PIBF1: variants seen among roughly 807,000 people sequenced by gnomAD.
PIBF1 encodes the protein progesterone immunomodulatory binding factor 1, also known as progesterone-induced-blocking factor 1.
PIBF1 carries 90 observed loss-of-function variants against 112.5 expected under a neutral mutation model. The observed-to-expected ratio is 0.80, with a 90% CI of 0.67 to 0.95. The LOEUF (loss-of-function observed/expected upper bound fraction) is 0.95. Ranked by LOEUF, PIBF1 falls within the 40% of genes least tolerant of loss-of-function variation. PIBF1 has a pLI of 0.00. For synonymous variants in PIBF1, 301 were observed against 288.6 expected (o/e 1.04, Z -0.44); for missense variants, 915 against 852.3 (o/e 1.07, Z -0.92).
intron 7 of PIBF1, 60 bp downstream of exon 7, chr13:72,827,178 C>A: frequency 1.4e-6 from 1 of 738,316 alleles, no homozygotes; most frequent in Non-Finnish European, 2.1e-6. Flanking sequence ...AAAAAATAGC[C>A]CAGAGTAGAT....
intron 10 of PIBF1, among the ~76,000 whole-genome samples, chr13:72,872,295 G>A (rs192741980): frequency 3.9e-4 from 59 of 152,226 alleles, no homozygotes; most frequent in South Asian, 4.2e-4. Context: ...GAATTTTCTG[G>A]GTAGTTTGAG....
In PIBF1 at chr13:72,824,690, A is replaced by G. The variant is rs572172145; in HGVS notation, c.807-2320A>G. ...TCATTGGAATATAAAACCATGAAGTATAAGTATGTTAGGGAATAGGATATT... is the reference window on the plus strand; with the variant it reads ...TCATTGGAATATAAAACCATGAAGTGTAAGTATGTTAGGGAATAGGATATT... On this transcript the variant is annotated intron_variant, in intron 6 of 17. Transcript: ENST00000326291. 3.3e-5 allele frequency among the ~76,000 whole-genome samples: 5 copies of G among 152,334 alleles called. No individual in the cohort carries two copies. In the South Asian group the frequency reaches 1.0e-3, roughly 32 times the overall value.
At chr13:72,832,228 AG>A (rs1428763751) in intron 8 of PIBF1, among the ~76,000 whole-genome samples, 2 of 151,802 alleles carry the variant, frequency 1.3e-5, no homozygotes, top group Non-Finnish European at 2.9e-5. Context: ...CCGATTTGCC[AG>A]TCTGTCTTTT....
At chr13:72,799,147 A>C (rs534051994) in intron 5 of PIBF1, among the ~76,000 whole-genome samples, 69 of 152,326 alleles carry the variant, frequency 4.5e-4, no homozygotes, top group African/African-American at 1.6e-3. Flanking sequence ...CTGTTCTGTC[A>C]AATGGAGAAA....
At chr13:72,963,031 G>A (rs948566151) in intron 14 of PIBF1, among the ~76,000 whole-genome samples, 1 of 152,116 alleles carries the variant, frequency 6.6e-6, no homozygotes, top group African/African-American at 2.4e-5. Context: ...CCATTTCATG[G>A]AGAAAAGCCA....
At chr13:72,937,793 C>T (rs1594233723) in intron 14 of PIBF1, among the ~76,000 whole-genome samples, 2 of 150,984 alleles carry the variant, frequency 1.3e-5, no homozygotes, top group South Asian at 4.2e-4. Flanking sequence ...CCAGCCTGGG[C>T]GAAAGAGTGA....
At chr13:72,790,432 C>CACACACAG (rs2138371363) in intron 2 of PIBF1, among the ~76,000 whole-genome samples, 1 of 83,808 alleles carries the variant, frequency 1.2e-5, no homozygotes. Context: ...CACACACACA[C>CACACACAG]ACACACACAC....
At chr13:72,892,011 G>C (rs1445541073) in intron 10 of PIBF1, among the ~76,000 whole-genome samples, 1 of 152,070 alleles carries the variant, frequency 6.6e-6, no homozygotes, top group Non-Finnish European at 1.5e-5. Context: ...TAGATCAGTG[G>C]TTGCCAGGCC....
intron 17 of PIBF1, among the ~76,000 whole-genome samples, chr13:73,011,818 C>CA (rs956874120): frequency 6.6e-6 from 1 of 151,936 alleles, no homozygotes; most frequent in Non-Finnish European, 1.5e-5. Flanking sequence ...GACTAAAAAC[C>CA]AAAAAACACA....
intron 10 of PIBF1, among the ~76,000 whole-genome samples, chr13:72,882,739 C>A (rs1174717706): frequency 2.0e-5 from 3 of 152,134 alleles, no homozygotes; most frequent in Non-Finnish European, 4.4e-5. Context: ...TACAATGAGA[C>A]ATCGTCTCAC....
chr13:72,790,667 G>A (rs1272127856), intron 2 of PIBF1, among the ~76,000 whole-genome samples: 6 of 152,094 alleles, frequency 3.9e-5, no homozygotes, highest in Admixed American at 2.6e-4. Flanking sequence ...CAGCTGAGGA[G>A]CCTAGAAAGC....
intron 6 of PIBF1, among the ~76,000 whole-genome samples, chr13:72,824,069 A>G (rs2036686968): frequency 1.3e-5 from 2 of 152,110 alleles, no homozygotes; most frequent in Non-Finnish European, 2.9e-5. Flanking sequence ...GCTGGAGTGC[A>G]ATGGCACGAT....
chr13:72,989,397 A>G (rs1275060210), intron 16 of PIBF1, among the ~76,000 whole-genome samples: 1 of 135,188 alleles, frequency 7.4e-6, no homozygotes, highest in African/African-American at 2.5e-5. Flanking sequence ...TGATTTTGCC[A>G]TGAAAGGAAG....
intron 16 of PIBF1, among the ~76,000 whole-genome samples, chr13:72,990,821 C>G (rs2043456507): frequency 6.6e-6 from 1 of 152,158 alleles, no homozygotes; most frequent in South Asian, 2.1e-4. Context: ...GCACTCCAGC[C>G]TGAGTGACAG....
intron 17 of PIBF1, among the ~76,000 whole-genome samples, chr13:73,010,810 C>CTTTTTGTTTTTTTTTT (rs2044174823): frequency 2.5e-5 from 1 of 40,280 alleles, no homozygotes; most frequent in African/African-American, 9.6e-5. Flanking sequence ...ATTAACTTTT[C>CTTTTTGTTTTTTTTTT]TTTTTTTTTT....
rs558321289 is a variant in PIBF1 at position 72,783,707 on chromosome 13, G to T, written c.238G>T (p.Asp80Tyr). The T allele has an allele frequency of 4.3e-5, 69 of 1,613,712 alleles. No individual in the cohort carries two copies. In the South Asian group the frequency reaches 6.3e-4, roughly 15 times the overall value. Reference sequence around the variant, plus strand: ...TATGATGATCGACAATTTGAAAGTGGATTATCTTACAAAGGTAAGATCAGG... The same window carrying T: ...TATGATGATCGACAATTTGAAAGTGTATTATCTTACAAAGGTAAGATCAGG... ...KTMMIDNLKV[D>Y]YLTKIEELEE... The change falls in exon 2 of 18, where the codon GAT becomes TAT. Residue 80 changes from aspartate to tyrosine, a missense_variant. Transcript: ENST00000326291.
intron 12 of PIBF1, among the ~76,000 whole-genome samples, chr13:72,914,176 G>A (rs1279026739): frequency 1.3e-5 from 2 of 151,894 alleles, no homozygotes; most frequent in Admixed American, 1.3e-4. Flanking sequence ...ATTTAATTCG[G>A]GTAATTTTAG....
In PIBF1 at chr13:72,925,542, CTTT is replaced by C. The variant is rs59074858; in HGVS notation, c.1731-5604_1731-5602del. On this transcript the variant is annotated intron_variant, in intron 13 of 17. Coordinates refer to ENST00000326291, the MANE Select transcript of PIBF1 (RefSeq NM_006346.4). ...TTTTTTTCCTTTTTTCTTTCTCTCT[CTTT>C]TTTTTTTTTTTTTTTTTTGAGACGG... 6.9e-3 allele frequency among the ~76,000 whole-genome samples: 704 copies of C among 101,962 alleles called. 2 individuals carry two copies. The highest frequency in any genetic ancestry group is 0.023 in the African/African-American group (602 of 26,536). 66.9% of individuals were successfully genotyped at this position (101,962 alleles called of 152,430 possible). A position where few individuals can be genotyped will look rare whatever the true frequency, so the allele number is the denominator to read the frequency against.
At chr13:72,864,652 C>T (rs912151759) in intron 10 of PIBF1, among the ~76,000 whole-genome samples, 8 of 152,062 alleles carry the variant, frequency 5.3e-5, no homozygotes, top group African/African-American at 7.2e-5. Flanking sequence ...AATATACCCA[C>T]ATCCAAAAAA....
Sources: gnomAD v4.1 joint callset for allele counts (sites outside exome capture counted in the v4.1 genomes callset) on GRCh38, gnomAD v4.1.1 for gene constraint, MANE v1.5 for transcripts, NCBI Gene and HGNC (gene_info 2026-07-23, HGNC 2026-07-21) for gene names.